EXOC6: variants seen among roughly 807,000 people sequenced by gnomAD.
The protein encoded by EXOC6 is exocyst complex component 6.
EXOC6 carries 60 observed loss-of-function variants against 112.5 expected under a neutral mutation model. The observed-to-expected ratio is 0.53, with a 90% CI of 0.43 to 0.66. EXOC6 has a LOEUF of 0.66. Ranked by LOEUF, EXOC6 falls within the 30% of genes least tolerant of loss-of-function variation. EXOC6 has a pLI of 0.00. For missense variants in EXOC6, 855 were observed against 957.1 expected (o/e 0.89, Z 1.41); for synonymous variants, 295 against 308.0 (o/e 0.96, Z 0.44).
chr10:92,928,475 C>A, intron 9 of EXOC6, 53 bp downstream of exon 9: 2 of 1,086,460 alleles, frequency 1.8e-6, no homozygotes. Flanking sequence ...ATCCCCTTAC[C>A]CTGTTTTAAT....
rs74869314 is a variant in EXOC6, at chr10:92,947,776, G to A, written c.1311-498G>A. 5.3e-3 allele frequency among the ~76,000 whole-genome samples: 800 copies of A among 152,214 alleles called. 4 individuals carry two copies. The highest frequency in any genetic ancestry group is 7.8e-3 in the Non-Finnish European group (533 of 68,018). ...TAAAATTAGCCAGGCGTGGTGGCAC[G>A]CGCCTGTAGTCCAGCTACTTGGGAG... On this transcript the variant is annotated intron_variant, in intron 13 of 21. Coordinates refer to ENST00000260762, the MANE Select transcript of EXOC6 (RefSeq NM_019053.6).
intron 18 of EXOC6, among the ~76,000 whole-genome samples, chr10:92,980,440 C>G (rs1842784634): frequency 7.4e-6 from 1 of 134,488 alleles, no homozygotes; most frequent in South Asian, 2.3e-4. Flanking sequence ...CCTTTCTTCC[C>G]TTGTTACAGT....
At chr10:92,935,970 G>T in intron 12 of EXOC6, 85 bp downstream of exon 12, 1 of 814,454 alleles carries the variant, frequency 1.2e-6, no homozygotes, top group Non-Finnish European at 1.9e-6. Flanking sequence ...TGTTATTGTA[G>T]ATTAGTGGCA....
At chr10:93,030,130 A>G (rs1326019331) in intron 20 of EXOC6, among the ~76,000 whole-genome samples, 1 of 151,778 alleles carries the variant, frequency 6.6e-6, no homozygotes, top group African/African-American at 2.4e-5. Context: ...CTGGTTTCGA[A>G]CTCCCAACCA....
chr10:92,868,469 G>A (rs995860067), intron 1 of EXOC6, among the ~76,000 whole-genome samples: 1 of 152,094 alleles, frequency 6.6e-6, no homozygotes, highest in African/African-American at 2.4e-5. Context: ...AAGCTTCGTT[G>A]TTTTAATATC....
At chr10:93,025,734 C>T (rs553695114) in intron 20 of EXOC6, among the ~76,000 whole-genome samples, 1 of 152,250 alleles carries the variant, frequency 6.6e-6, no homozygotes, top group Admixed American at 6.5e-5. Flanking sequence ...ATAGCACTTT[C>T]AAATAAATGT....
At chr10:93,024,531 G>A (rs1316952259) in intron 20 of EXOC6, among the ~76,000 whole-genome samples, 2 of 152,036 alleles carry the variant, frequency 1.3e-5, no homozygotes, top group East Asian at 1.9e-4. Flanking sequence ...TCCGGGGTTC[G>A]AGCGATTTTC....
upstream of EXOC6, among the ~76,000 whole-genome samples, chr10:92,833,691 C>CA (rs199666875): frequency 0.018 from 2,709 of 150,104 alleles, 72 homozygotes; most frequent in African/African-American, 0.062. Flanking sequence ...CTGATAAAAA[C>CA]AAAAAAAAAT....
In EXOC6 at chr10:92,987,545, A is replaced by G. The variant is rs74149189; in HGVS notation, c.1954-9929A>G. ...TATATTCCCTTTTGCTACTTTAAAC[A>G]CTGATTCTGCTGTGATTAGAATACA... On this transcript the variant is annotated intron_variant, in intron 18 of 21. Transcript: ENST00000260762. The G allele has an allele frequency of 2.5e-4, 188 of 754,270 alleles. 1 individual carries two copies. The African/African-American group carries it at 3.1e-3, about 12-fold the overall frequency. 46.7% of individuals were successfully genotyped at this position (754,270 alleles called of 1,614,324 possible).
At chr10:92,959,110 A>G (rs1274363622) in intron 17 of EXOC6, among the ~76,000 whole-genome samples, 1 of 152,084 alleles carries the variant, frequency 6.6e-6, no homozygotes, top group African/African-American at 2.4e-5. Context: ...AAACAAAACA[A>G]AGCTGTAGTA....
In EXOC6 at chr10:92,865,103, G is replaced by A. The variant is rs118183247; in HGVS notation, c.101+16469G>A. 1.6e-4 allele frequency among the ~76,000 whole-genome samples: 25 copies of A among 152,104 alleles called. 1 individual carries two copies. Among genetic ancestry groups the A allele is most frequent in the Admixed American group, 3.3e-4 (5 of 15,290 alleles). On this transcript the variant is annotated intron_variant, in intron 1 of 21. Transcript: ENST00000260762. ...AAAAATATTGATAGTTATAATCCAC[G>A]TAAACAAAATCTTTTTGGAATTCTC... is the stretch of plus-strand genomic sequence containing the variant.
chr10:92,919,985 T>C lies in EXOC6; in HGVS notation c.823T>C (p.Leu275=). 6 of 1,597,726 alleles carry C rather than the reference T, an allele frequency of 3.8e-6. No individual in the cohort carries two copies. The highest frequency in any genetic ancestry group is 5.1e-6 in the Non-Finnish European group (6 of 1,170,978). ...EEEDENEEEI[L]TVQDLVDFSP... is the part of the protein sequence containing the mutation. ...TTAAAAATGGTTTAATTTTCAGATCTTAACTGTTCAGGATCTTGTTGATTT... is the reference window on the plus strand; with the variant it reads ...TTAAAAATGGTTTAATTTTCAGATCCTAACTGTTCAGGATCTTGTTGATTT... Residue 275 remains leucine (L), a synonymous_variant, in exon 8 of 22, where the codon TTA becomes CTA. Transcript: ENST00000260762.
chr10:92,841,211 T>C (rs1011641274), intron 1 of EXOC6, among the ~76,000 whole-genome samples: 5 of 152,174 alleles, frequency 3.3e-5, no homozygotes, highest in Admixed American at 6.5e-5. Context: ...CATCTTTCCT[T>C]TTCCCATCTA....
chr10:92,975,335 G>A (rs1311340220), intron 18 of EXOC6, among the ~76,000 whole-genome samples: 25 of 149,024 alleles, frequency 1.7e-4, no homozygotes, highest in Admixed American at 1.4e-3. Flanking sequence ...CCTGGCAACC[G>A]CCCGGTCTGA....
At chr10:93,056,706 T>C (rs1305007693) in intron 20 of EXOC6, among the ~76,000 whole-genome samples, 1 of 152,188 alleles carries the variant, frequency 6.6e-6, no homozygotes, top group Non-Finnish European at 1.5e-5. Flanking sequence ...ATGAAGTATT[T>C]TACTAGAAAA....
At chr10:92,986,608 A>G (rs930644248) in intron 18 of EXOC6, among the ~76,000 whole-genome samples, 1 of 151,726 alleles carries the variant, frequency 6.6e-6, no homozygotes, top group South Asian at 2.1e-4. Flanking sequence ...AGCTTCCACT[A>G]ATACATAAAT....
At chr10:92,914,161 G>A (rs1435716004) in intron 6 of EXOC6, among the ~76,000 whole-genome samples, 2 of 152,126 alleles carry the variant, frequency 1.3e-5, no homozygotes, top group Admixed American at 6.5e-5. Flanking sequence ...TCAGATCAGC[G>A]GCATTCGATT....
At chr10:93,045,930 A>T (rs796429701) in intron 20 of EXOC6, among the ~76,000 whole-genome samples, 19 of 152,362 alleles carry the variant, frequency 1.2e-4, no homozygotes, top group African/African-American at 4.6e-4. Context: ...AAATTAAATC[A>T]ATCAATAAAT....
At chr10:93,052,215 T>C (rs1014286025) in intron 20 of EXOC6, among the ~76,000 whole-genome samples, 2 of 152,248 alleles carry the variant, frequency 1.3e-5, no homozygotes, top group African/African-American at 4.8e-5. Flanking sequence ...AAGAGTTTCA[T>C]AGAATAGTTT....
Sources: allele counts gnomAD v4.1 joint callset (sites outside exome capture counted in the v4.1 genomes callset), GRCh38; gene constraint gnomAD v4.1.1; transcripts MANE v1.5; gene names NCBI Gene and HGNC (gene_info 2026-07-23, HGNC 2026-07-21).